Variants in IQCB1 observed in about 807,000 individuals in gnomAD.
The protein encoded by IQCB1 is IQ motif containing B1, also known as IQ calmodulin-binding motif-containing protein 1.
Under a neutral mutation model 84.4 loss-of-function variants are expected in IQCB1, and 56 were observed. That is an observed-to-expected ratio of 0.66 (90% confidence interval 0.54 to 0.83). The LOEUF is 0.83. Among genes scored for constraint, IQCB1 ranks in the 40% least tolerant of loss-of-function variants. The probability of loss-of-function intolerance (pLI) is 0.00; values close to 1 mark genes in which losing one functional copy is unlikely to be tolerated. For missense variants in IQCB1, 629 were observed against 682.1 expected (o/e 0.92, Z 0.87); for synonymous variants, 210 against 234.8 (o/e 0.89, Z 0.96).
Position 121,788,318 on chromosome 3 carries a change from A to G in IQCB1, c.1244T>C (p.Ile415Thr), listed in dbSNP as rs757736457. The G allele has an allele frequency of 8.1e-6, 13 of 1,613,980 alleles. No homozygotes were observed. Among genetic ancestry groups the G allele is most frequent in the Non-Finnish European group, 1.1e-5 (13 of 1,179,968 alleles). Reference protein sequence around the residue: ...KNFHQQRQSLIEYKAAVTLQR... With the variant: ...KNFHQQRQSLTEYKAAVTLQR... ...AAGTGTGACAGCTGCTTTATACTCT[A>G]TGAGAGACTGCCTCTGTTGGTGAAA... Residue 415 changes from isoleucine (I) to threonine (T), a missense_variant, in exon 12 of 15, where the codon ATA becomes ACA. Physicochemically the swap from Ile to Thr is moderately conservative, Grantham distance 89. Transcript: ENST00000310864.
chr3:121,825,994 G>A (rs1950451854), intron 5 of IQCB1, 57 bp downstream of exon 5: 5 of 1,467,106 alleles, frequency 3.4e-6, no homozygotes, highest in African/African-American at 1.4e-5. Context: ...AAAAATAACA[G>A]AACAGCTTCT....
At chr3:121,810,009 G>A (rs1467374333) in intron 5 of IQCB1, among the ~76,000 whole-genome samples, 1 of 151,012 alleles carries the variant, frequency 6.6e-6, no homozygotes, top group East Asian at 1.9e-4. Context: ...TTTTAGTTCA[G>A]GAAGCTACCT....
chr3:121,794,309 A>G (rs1308196676), intron 10 of IQCB1, among the ~76,000 whole-genome samples: 9 of 152,106 alleles, frequency 5.9e-5, no homozygotes. Context: ...ATCATTTTTT[A>G]AGTGCCAGAT....
At chr3:121,779,834 G>A (rs184321248) in intron 13 of IQCB1, among the ~76,000 whole-genome samples, 17 of 152,242 alleles carry the variant, frequency 1.1e-4, no homozygotes, top group Admixed American at 9.8e-4. Context: ...GAATGGAGCC[G>A]TCTAGGCTAA....
At chr3:121,802,217 T>C (rs1949433861) in intron 7 of IQCB1, among the ~76,000 whole-genome samples, 1 of 152,090 alleles carries the variant, frequency 6.6e-6, no homozygotes, top group South Asian at 2.1e-4. Context: ...TATTTCTTCC[T>C]GAAGTGCTTA....
At chr3:121,815,975 A>C (rs1950039019) in intron 5 of IQCB1, among the ~76,000 whole-genome samples, 2 of 151,916 alleles carry the variant, frequency 1.3e-5, no homozygotes, top group South Asian at 4.2e-4. Flanking sequence ...GACAATCCTA[A>C]GCAAAAAGAA....
chr3:121,803,393 C>T (rs576800380), intron 7 of IQCB1, among the ~76,000 whole-genome samples: 32 of 152,262 alleles, frequency 2.1e-4, no homozygotes, highest in African/African-American at 7.5e-4. Context: ...TCGGAATATG[C>T]ACCCTTCTTT....
chr3:121,792,476 G>T (rs544674788), intron 10 of IQCB1, among the ~76,000 whole-genome samples: 1 of 149,754 alleles, frequency 6.7e-6, no homozygotes, highest in Admixed American at 6.6e-5. Context: ...TGGCTAACAC[G>T]GTGAAACCCC....
At chr3:121,780,410 C>T (rs1948422629) in intron 13 of IQCB1, among the ~76,000 whole-genome samples, 1 of 152,186 alleles carries the variant, frequency 6.6e-6, no homozygotes, top group African/African-American at 2.4e-5. Flanking sequence ...CCCTGTTACT[C>T]CATCTTGGCC....
chr3:121,792,485 C>T (rs891534092), intron 10 of IQCB1, among the ~76,000 whole-genome samples: 13 of 148,326 alleles, frequency 8.8e-5, no homozygotes, highest in Admixed American at 6.7e-4. Flanking sequence ...CGGTGAAACC[C>T]CGTCTCTACT....
intron 12 of IQCB1, among the ~76,000 whole-genome samples, chr3:121,783,178 C>A (rs1948575481): frequency 6.6e-6 from 1 of 152,156 alleles, no homozygotes; most frequent in Non-Finnish European, 1.5e-5. Flanking sequence ...TTTAATTTGT[C>A]AGTTTCATAA....
chr3:121,786,095 T>A (rs1044708390), intron 12 of IQCB1, among the ~76,000 whole-genome samples: 3 of 146,746 alleles, frequency 2.0e-5, no homozygotes, highest in Non-Finnish European at 4.5e-5. Flanking sequence ...CTCTTGAGCC[T>A]CGCAGATAAA....
At chr3:121,816,965 T>A (rs1315897694) in intron 5 of IQCB1, among the ~76,000 whole-genome samples, 1 of 152,286 alleles carries the variant, frequency 6.6e-6, no homozygotes, top group East Asian at 1.9e-4. Context: ...CACACGTATG[T>A]TTACTGCAGC....
chr3:121,828,252 C>G (rs995583489), intron 4 of IQCB1, among the ~76,000 whole-genome samples: 6 of 152,140 alleles, frequency 3.9e-5, no homozygotes, highest in African/African-American at 1.4e-4. Context: ...AAAAAATGAT[C>G]ACCATCTTCA....
rs562316717 is a variant in IQCB1, at chr3:121,818,499, G to A, written c.393+7552C>T. ...GAAGAGAGAAGCATGTAAGTAAACC[G>A]GACTTAGGGCAGGGCCCAGCAGCTA... is the stretch of plus-strand genomic sequence containing the variant. On this transcript the variant is annotated intron_variant, in intron 5 of 14. Coordinates refer to ENST00000310864, the MANE Select transcript of IQCB1 (RefSeq NM_001023570.4). Among the ~76,000 whole-genome samples, 51 of 152,276 alleles carry A rather than the reference G, an allele frequency of 3.3e-4. No individual in the cohort carries two copies. In the South Asian group the frequency reaches 4.6e-3, roughly 14 times the overall value.
rs1947928282 is a variant in IQCB1, at chr3:121,770,534, C to G, written c.1608G>C (p.Glu536Asp). The change falls in exon 15 of 15, where the codon GAG becomes GAC. Residue 536 changes from glutamate (E) to aspartate (D), a missense_variant. Physicochemically the swap from Glu to Asp is conservative, Grantham distance 45. Transcript: ENST00000310864. ...SLKEAEGKEP[E>D]LFLSRSRPVA... ...CAGGCCTGGATCTACTTAGGAAGAG[C>G]TCAGGTTCTTTCCCTTCTGCCTCCT... is the stretch of plus-strand genomic sequence containing the variant. 1 of 1,614,146 alleles carries G rather than the reference C, an allele frequency of 6.2e-7. No individual in the cohort carries two copies. The highest frequency in any genetic ancestry group is 2.2e-5 in the East Asian group (1 of 44,888).
intron 5 of IQCB1, among the ~76,000 whole-genome samples, chr3:121,817,658 TA>T (rs1237990369): frequency 1.3e-5 from 2 of 151,838 alleles, no homozygotes; most frequent in Non-Finnish European, 2.9e-5. Context: ...GTCTATTCTT[TA>T]TATACTCAAA....
chr3:121,773,600 A>G (rs1173962329), intron 13 of IQCB1, among the ~76,000 whole-genome samples: 2 of 152,134 alleles, frequency 1.3e-5, no homozygotes, highest in Non-Finnish European at 2.9e-5. Context: ...AGCTTTCTCA[A>G]ATATTCCTGT....
At chr3:121,771,959 A>C (rs1477219660) in intron 14 of IQCB1, among the ~76,000 whole-genome samples, 1 of 152,078 alleles carries the variant, frequency 6.6e-6, no homozygotes, top group Non-Finnish European at 1.5e-5. Context: ...GCAGGTCACA[A>C]GGTCAAGAGA....
Sources: gnomAD v4.1 joint callset for allele counts (sites outside exome capture counted in the v4.1 genomes callset) on GRCh38, gnomAD v4.1.1 for gene constraint, MANE v1.5 for transcripts, NCBI Gene and HGNC (gene_info 2026-07-23, HGNC 2026-07-21) for gene names.